The following KCNH7 variants were observed in gnomAD, a reference collection of about 807,000 sequenced individuals.
KCNH7 encodes the protein voltage-gated inwardly rectifying potassium channel KCNH7.
A neutral mutation model predicts 120.8 loss-of-function variants in KCNH7; 49 were observed. The observed-to-expected ratio is 0.41, with a 90% CI of 0.32 to 0.51. The LOEUF (loss-of-function observed/expected upper bound fraction) is 0.51. Ranked by LOEUF, KCNH7 falls within the 20% of genes least tolerant of loss-of-function variation. KCNH7 has a pLI of 0.38. For synonymous variants in KCNH7, 547 were observed against 516.1 expected, an observed-to-expected ratio of 1.06 and a Z score of -0.81; for missense variants, 1,097 against 1,446.6, an observed-to-expected ratio of 0.76 and a Z score of 3.92.
intron 12 of KCNH7, among the ~76,000 whole-genome samples, chr2:162,388,969 T>C (rs1161874242): frequency 6.6e-6 from 1 of 151,988 alleles, no homozygotes; most frequent in Non-Finnish European, 1.5e-5. Context: ...AGTAAAGTTT[T>C]CTTCCCTACT....
intron 6 of KCNH7, among the ~76,000 whole-genome samples, chr2:162,480,052 C>T (rs1265759224): frequency 6.6e-6 from 1 of 151,934 alleles, no homozygotes; most frequent in East Asian, 1.9e-4. Context: ...TATTTTAAGA[C>T]ATTAGGAGAG....
At chr2:162,718,370 A>G (rs905548472) in intron 2 of KCNH7, among the ~76,000 whole-genome samples, 1 of 152,044 alleles carries the variant, frequency 6.6e-6, no homozygotes, top group Non-Finnish European at 1.5e-5. Flanking sequence ...GCAACTTTTT[A>G]TAATTATCTT....
At chr2:162,760,123 C>T (rs1256180137) in intron 2 of KCNH7, among the ~76,000 whole-genome samples, 1 of 152,022 alleles carries the variant, frequency 6.6e-6, no homozygotes, top group Non-Finnish European at 1.5e-5. Context: ...AGCTAGAATA[C>T]TTATTTATCT....
chr2:162,702,915 AAC>A (rs1301421888), intron 2 of KCNH7, among the ~76,000 whole-genome samples: 1 of 152,034 alleles, frequency 6.6e-6, no homozygotes, highest in Non-Finnish European at 1.5e-5. Flanking sequence ...TTTCCTTAGG[AAC>A]AGTGTTTGAT....
chr2:162,468,079 A>C (rs990461099), intron 6 of KCNH7, among the ~76,000 whole-genome samples: 1 of 152,142 alleles, frequency 6.6e-6, no homozygotes, highest in Non-Finnish European at 1.5e-5. Flanking sequence ...ACTCTGTCAG[A>C]GTGTTCAGGT....
At chr2:162,740,420 T>G (rs1046041766) in intron 2 of KCNH7, among the ~76,000 whole-genome samples, 2 of 152,006 alleles carry the variant, frequency 1.3e-5, no homozygotes, top group Admixed American at 1.3e-4. Flanking sequence ...CACTGACAAG[T>G]TTGGTAACTC....
At chr2:162,555,887 C>T (rs1199766834) in intron 2 of KCNH7, among the ~76,000 whole-genome samples, 3 of 151,832 alleles carry the variant, frequency 2.0e-5, no homozygotes, top group Admixed American at 1.3e-4. Context: ...TGTTTTTCTG[C>T]TTATTTTGTA....
chr2:162,373,804 T>A, intron 14 of KCNH7, 142 bp from the exon 15 acceptor site: 1 of 468,186 alleles, frequency 2.1e-6, no homozygotes, highest in Non-Finnish European at 3.7e-6. Context: ...GCACAGAGAT[T>A]CTTTCCTGAC....
chr2:162,613,583 T>G (rs1222431315), intron 2 of KCNH7, among the ~76,000 whole-genome samples: 1 of 152,022 alleles, frequency 6.6e-6, no homozygotes, highest in African/African-American at 2.4e-5. Context: ...CTTTTTAAAA[T>G]TATGACTCTT....
intron 2 of KCNH7, among the ~76,000 whole-genome samples, chr2:162,567,597 A>G (rs552000534): frequency 6.6e-6 from 1 of 152,112 alleles, no homozygotes; most frequent in African/African-American, 2.4e-5. Context: ...TATGTTTTGT[A>G]TATTGATTTG....
intron 2 of KCNH7, among the ~76,000 whole-genome samples, chr2:162,566,505 A>C (rs1449781054): frequency 6.6e-6 from 1 of 152,062 alleles, no homozygotes; most frequent in Non-Finnish European, 1.5e-5. Flanking sequence ...TGTCTTGAAA[A>C]TATGATCATT....
At chr2:162,596,941 G>A (rs1421924978) in intron 2 of KCNH7, among the ~76,000 whole-genome samples, 1 of 151,906 alleles carries the variant, frequency 6.6e-6, no homozygotes, top group Non-Finnish European at 1.5e-5. Context: ...TGGCCAACAG[G>A]AATATCAAAA....
At chr2:162,419,747 C>T (rs1687645274) in intron 9 of KCNH7, among the ~76,000 whole-genome samples, 1 of 152,080 alleles carries the variant, frequency 6.6e-6, no homozygotes, top group African/African-American at 2.4e-5. Flanking sequence ...GATATATGGA[C>T]CATGGTCATT....
intron 2 of KCNH7, among the ~76,000 whole-genome samples, chr2:162,834,899 A>T (rs1285508682): frequency 2.6e-5 from 4 of 152,152 alleles, no homozygotes; most frequent in Non-Finnish European, 5.9e-5. Flanking sequence ...GGTCTAGAAA[A>T]CATAATGACC....
At chr2:162,608,895 A>G (rs1047796146) in intron 2 of KCNH7, among the ~76,000 whole-genome samples, 2 of 152,188 alleles carry the variant, frequency 1.3e-5, no homozygotes, top group African/African-American at 4.8e-5. Context: ...CTGAAGTACT[A>G]TTAGTTGCCT....
intron 15 of KCNH7, among the ~76,000 whole-genome samples, chr2:162,372,768 A>G (rs975448387): frequency 2.0e-5 from 3 of 152,160 alleles, no homozygotes; most frequent in Admixed American, 1.3e-4. Flanking sequence ...CAATTTCACC[A>G]TAATGTTTAA....
intron 2 of KCNH7, among the ~76,000 whole-genome samples, chr2:162,620,220 A>T (rs1458711724): frequency 6.6e-6 from 1 of 150,676 alleles, no homozygotes; most frequent in East Asian, 1.9e-4. Flanking sequence ...TAAAATATAT[A>T]TAGAGAGAGG....
chr2:162,715,059 C>T (rs180741168), intron 2 of KCNH7, among the ~76,000 whole-genome samples: 311 of 152,232 alleles, frequency 2.0e-3, no homozygotes, highest in Admixed American at 3.5e-3. Flanking sequence ...TACACTATTT[C>T]ATCCTTACAG....
chr2:162,822,601 AC>A (rs1299645084), intron 2 of KCNH7, among the ~76,000 whole-genome samples: 2 of 152,230 alleles, frequency 1.3e-5, no homozygotes, highest in African/African-American at 4.8e-5. Flanking sequence ...CAAAGAAGTA[AC>A]TAATAGATCA....
Sources: allele counts gnomAD v4.1 joint callset (sites outside exome capture counted in the v4.1 genomes callset), GRCh38; gene constraint gnomAD v4.1.1; transcripts MANE v1.5; gene names NCBI Gene and HGNC (gene_info 2026-07-23, HGNC 2026-07-21).